NLGN1: variants seen among roughly 807,000 people sequenced by gnomAD.
The protein encoded by NLGN1 is neuroligin 1, also known as neuroligin-1.
Under a neutral mutation model 65.5 loss-of-function variants are expected in NLGN1, and 12 were observed. The ratio of observed to expected loss-of-function variants is 0.18; its 90% CI spans 0.12 to 0.30. The LOEUF is 0.30. Ranked by LOEUF, NLGN1 falls within the 10% of genes least tolerant of loss-of-function variation. The probability of loss-of-function intolerance (pLI) is 1.00; values close to 1 mark genes in which losing one functional copy is unlikely to be tolerated. For synonymous variants in NLGN1, 350 were observed against 359.5 expected, an observed-to-expected ratio of 0.97 and a Z score of 0.30; for missense variants, 750 against 1,007.1, an observed-to-expected ratio of 0.74 and a Z score of 3.46.
intron 4 of NLGN1, among the ~76,000 whole-genome samples, chr3:174,197,334 A>C (rs1733604712): frequency 6.6e-6 from 1 of 152,070 alleles, no homozygotes; most frequent in African/African-American, 2.4e-5. Context: ...CTTAAAAACT[A>C]ACAGGAACCA....
chr3:173,689,828 A>G (rs1765206213), intron 3 of NLGN1, among the ~76,000 whole-genome samples: 1 of 152,194 alleles, frequency 6.6e-6, no homozygotes, highest in South Asian at 2.1e-4. Flanking sequence ...GTAATTTTCA[A>G]AATAAACTAG....
At chr3:173,794,841 G>A (rs1322360136) in intron 3 of NLGN1, among the ~76,000 whole-genome samples, 2 of 152,018 alleles carry the variant, frequency 1.3e-5, no homozygotes, top group African/African-American at 2.4e-5. Context: ...ACATCAAAGT[G>A]TTATGTAATC....
At chr3:173,663,050 T>C (rs939336808) in intron 3 of NLGN1, among the ~76,000 whole-genome samples, 1 of 152,034 alleles carries the variant, frequency 6.6e-6, no homozygotes, top group Non-Finnish European at 1.5e-5. Flanking sequence ...CTATAAATAA[T>C]TATTTTCCAT....
chr3:173,960,617 T>G (rs1355561023), intron 4 of NLGN1, among the ~76,000 whole-genome samples: 1 of 151,976 alleles, frequency 6.6e-6, no homozygotes, highest in Non-Finnish European at 1.5e-5. Context: ...AAATTTTGCA[T>G]AAAATTTTAA....
chr3:173,874,908 C>T (rs1195650073), intron 4 of NLGN1, among the ~76,000 whole-genome samples: 6 of 152,108 alleles, frequency 3.9e-5, no homozygotes. Flanking sequence ...GAAAACCTAG[C>T]CTGAGCCCTA....
chr3:173,655,615 C>A (rs1759880732), intron 3 of NLGN1, among the ~76,000 whole-genome samples: 1 of 151,830 alleles, frequency 6.6e-6, no homozygotes, highest in Admixed American at 6.6e-5. Context: ...TCTGTTCTTT[C>A]TTCACGTTGA....
At position 174,212,098 on chromosome 3, in the gene NLGN1, A is replaced by T. The variant is rs544202705; in HGVS notation, c.647-63217A>T. On this transcript the variant is annotated intron_variant, in intron 4 of 6. Coordinates refer to ENST00000457714, the Ensembl canonical transcript of NLGN1. Reference sequence around the variant, plus strand: ...GGAAGGCTCAGGCATGGCGGGCTGCAGGTCCCTAGCCCTGCCCCGCGGGAG... The same window carrying T: ...GGAAGGCTCAGGCATGGCGGGCTGCTGGTCCCTAGCCCTGCCCCGCGGGAG... Among the ~76,000 whole-genome samples, 65 of 152,332 alleles carry T rather than the reference A, an allele frequency of 4.3e-4. 1 individual carries two copies. In the South Asian group the frequency reaches 0.013, roughly 30 times the overall value.
chr3:173,654,363 T>G (rs573856843), intron 3 of NLGN1, among the ~76,000 whole-genome samples: 16 of 152,248 alleles, frequency 1.1e-4, no homozygotes, highest in African/African-American at 3.8e-4. Context: ...ACATTAATCC[T>G]GAATAGCATA....
intron 3 of NLGN1, among the ~76,000 whole-genome samples, chr3:173,767,877 G>C (rs1193350877): frequency 6.6e-6 from 1 of 152,010 alleles, no homozygotes; most frequent in Non-Finnish European, 1.5e-5. Context: ...GTATTTTGAT[G>C]CAATTGCACA....
chr3:173,815,161 A>C (rs1718778938), intron 4 of NLGN1, among the ~76,000 whole-genome samples: 1 of 141,468 alleles, frequency 7.1e-6, no homozygotes, highest in Non-Finnish European at 1.5e-5. Context: ...TCCCTCTGTC[A>C]CCCAGGCTGG....
intron 4 of NLGN1, among the ~76,000 whole-genome samples, chr3:174,136,127 T>C (rs190089434): frequency 2.6e-5 from 4 of 152,256 alleles, no homozygotes; most frequent in African/African-American, 4.8e-5. Flanking sequence ...CAGTCCTCAA[T>C]TTCTGAACAT....
At chr3:173,823,410 T>TGAA (rs1180099325) in intron 4 of NLGN1, among the ~76,000 whole-genome samples, 2 of 152,098 alleles carry the variant, frequency 1.3e-5, no homozygotes, top group Non-Finnish European at 2.9e-5. Flanking sequence ...CATTTCTAAA[T>TGAA]GAAGTCAACA....
chr3:173,841,579 C>T (rs538307900), intron 4 of NLGN1, among the ~76,000 whole-genome samples: 58 of 152,256 alleles, frequency 3.8e-4, no homozygotes, highest in African/African-American at 1.4e-3. Flanking sequence ...TGGAGAGGTA[C>T]ATTCGGATGG....
chr3:173,963,458 AC>A (rs1714077257), intron 4 of NLGN1, among the ~76,000 whole-genome samples: 1 of 152,108 alleles, frequency 6.6e-6, no homozygotes, highest in African/African-American at 2.4e-5. Context: ...GAATCTGCCT[AC>A]CCGTTCTATG....
chr3:173,746,311 T>TAAA (rs1169225457), intron 3 of NLGN1, among the ~76,000 whole-genome samples: 1 of 152,154 alleles, frequency 6.6e-6, no homozygotes, highest in East Asian at 1.9e-4. Context: ...TATCTCATTT[T>TAAA]ATGGGTATCC....
At chr3:173,529,180 T>G (rs2149172898) in intron 2 of NLGN1, among the ~76,000 whole-genome samples, 1 of 152,324 alleles carries the variant, frequency 6.6e-6, no homozygotes, top group East Asian at 1.9e-4. Flanking sequence ...GGTAGGGGCC[T>G]TTTGGCTTTG....
chr3:174,056,368 A>G (rs1167638324), intron 4 of NLGN1, among the ~76,000 whole-genome samples: 1 of 151,824 alleles, frequency 6.6e-6, no homozygotes, highest in East Asian at 1.9e-4. Flanking sequence ...TTTAAATAAT[A>G]TTTTTTCTAC....
chr3:174,160,755 TCCC>T (rs1456312929), intron 4 of NLGN1, among the ~76,000 whole-genome samples: 1 of 151,452 alleles, frequency 6.6e-6, no homozygotes, highest in African/African-American at 2.4e-5. Context: ...GTTTTATTCA[TCCC>T]CCCAAGCATT....
At chr3:173,844,349 A>T (rs1725351336) in intron 4 of NLGN1, among the ~76,000 whole-genome samples, 2 of 152,184 alleles carry the variant, frequency 1.3e-5, no homozygotes, top group Non-Finnish European at 2.9e-5. Context: ...AGAGTTGAGA[A>T]AAAGTGCCTT....
Sources: allele counts gnomAD v4.1 joint callset (sites outside exome capture counted in the v4.1 genomes callset), GRCh38; gene constraint gnomAD v4.1.1; transcripts MANE v1.5; gene names NCBI Gene and HGNC (gene_info 2026-07-23, HGNC 2026-07-21).